CDC14B: variants seen among roughly 807,000 people sequenced by gnomAD.
CDC14B encodes the protein cell division cycle 14B, also known as dual specificity protein phosphatase CDC14B.
In CDC14B, 22 loss-of-function variants were observed where a neutral mutation model predicts 64.2. The observed-to-expected ratio is 0.34, with a 90% CI of 0.24 to 0.49. The LOEUF (loss-of-function observed/expected upper bound fraction) is 0.49, where lower values mean the gene tolerates loss of function less well. Among genes scored for constraint, CDC14B ranks in the 20% least tolerant of loss-of-function variants. CDC14B has a pLI of 0.99. For missense variants in CDC14B, 498 were observed against 629.9 expected (o/e 0.79, Z 2.24); for synonymous variants, 191 against 215.8 (o/e 0.89, Z 1.01).
intron 1 of CDC14B, among the ~76,000 whole-genome samples, chr9:96,607,033 A>T (rs1846992385): frequency 6.6e-6 from 1 of 151,434 alleles, no homozygotes; most frequent in Non-Finnish European, 1.5e-5. Flanking sequence ...TCTCAAAAAA[A>T]TTTAAAAAAA....
chr9:96,541,125 G>A (rs1462944437), intron 6 of CDC14B, among the ~76,000 whole-genome samples: 1 of 152,168 alleles, frequency 6.6e-6, no homozygotes, highest in Non-Finnish European at 1.5e-5. Flanking sequence ...TTGATCCATG[G>A]GCTACTGATT....
intron 6 of CDC14B, among the ~76,000 whole-genome samples, chr9:96,539,390 T>C (rs1217648369): frequency 6.6e-6 from 1 of 152,236 alleles, no homozygotes; most frequent in African/African-American, 2.4e-5. Flanking sequence ...AGATGTGCTT[T>C]TTTATTTTCA....
At chr9:96,495,529 C>T (rs1037961831), downstream of CDC14B, among the ~76,000 whole-genome samples, 15 of 152,172 alleles carry the variant, frequency 9.9e-5, no homozygotes, top group African/African-American at 3.1e-4. Context: ...ACGGGTCTTG[C>T]GTCAGAGCAA....
rs1035911154 is a variant in CDC14B, at chr9:96,538,857, T to C, written c.627+221A>G. The C allele has an allele frequency of 1.7e-5, 8 of 471,556 alleles. 1 individual carries two copies. The South Asian group carries it at 2.0e-4, about 12-fold the overall frequency. 29.2% of individuals were successfully genotyped at this position (471,556 alleles called of 1,614,324 possible). On this transcript the variant is annotated intron_variant, in intron 7 of 13. Transcript: ENST00000375241. Reference sequence around the variant, plus strand: ...ACTGTATGCTTGAAATCTGCTAGAGTACATCTCAGGTATTCTCATCACACA... The same window carrying C: ...ACTGTATGCTTGAAATCTGCTAGAGCACATCTCAGGTATTCTCATCACACA...
chr9:96,569,075 G>A (rs1012031832), intron 1 of CDC14B, among the ~76,000 whole-genome samples: 3 of 152,316 alleles, frequency 2.0e-5, no homozygotes, highest in South Asian at 2.1e-4. Flanking sequence ...CACAAGAAAC[G>A]TATCAATGCC....
At chr9:96,513,146 TATAATA>T (rs1835144636) in intron 12 of CDC14B, among the ~76,000 whole-genome samples, 1 of 152,206 alleles carries the variant, frequency 6.6e-6, no homozygotes, top group East Asian at 1.9e-4. Flanking sequence ...AGTGAACTAA[TATAATA>T]ATAATATTAA....
intron 2 of CDC14B, 85 bp downstream of exon 2, chr9:96,565,308 A>C (rs1340891250): frequency 3.8e-6 from 3 of 790,570 alleles, no homozygotes; most frequent in Non-Finnish European, 6.3e-6. Context: ...TAGATTTATA[A>C]TTTTCCCAGG....
intron 1 of CDC14B, among the ~76,000 whole-genome samples, chr9:96,614,661 G>T (rs1362513197): frequency 6.6e-6 from 1 of 152,050 alleles, no homozygotes; most frequent in Non-Finnish European, 1.5e-5. Flanking sequence ...TAAGGGATGG[G>T]AAAATAGAGA....
In CDC14B at chr9:96,582,930, A is replaced by C. The variant is rs895641488; in HGVS notation, c.161-17447T>G. 5.3e-5 allele frequency among the ~76,000 whole-genome samples: 8 copies of C among 152,284 alleles called. No individual in the cohort carries two copies. The East Asian group carries it at 5.8e-4, about 11-fold the overall frequency. The stretch of plus-strand genomic sequence containing the variant: ...TTACTTTAACTGCAGGGACAAGGAT[A>C]AAACATATATGATTGGTTTAAGCTA... On this transcript the variant is annotated intron_variant, in intron 1 of 13. Coordinates refer to ENST00000375241, the MANE Select transcript of CDC14B (RefSeq NM_033331.4).
chr9:96,554,611 T>C (rs1842261128), intron 4 of CDC14B, among the ~76,000 whole-genome samples: 1 of 152,152 alleles, frequency 6.6e-6, no homozygotes, highest in African/African-American at 2.4e-5. Flanking sequence ...AATTTAAAAA[T>C]CCAGTTGGGG....
chr9:96,619,543 G>A lies in CDC14B; in HGVS notation c.-165C>T, dbSNP rs1020903493. The stretch of plus-strand genomic sequence containing the variant: ...AGCCCGGCGGGAGGCGGTCGCGCAG[G>A]AGCCGGAGGAGGAGCCCGGCCCACA... On this transcript the variant is annotated 5_prime_UTR_variant, in exon 1 of 14. Transcript: ENST00000375241. 5.8e-6 allele frequency: 1 copy of A among 171,720 alleles called. No individual in the cohort carries two copies. The highest frequency in any genetic ancestry group is 2.4e-5 in the African/African-American group (1 of 41,412). The allele number at this position is 171,720 out of a possible 1,614,324, so 10.6% of individuals were successfully genotyped here. A position where few individuals can be genotyped will look rare whatever the true frequency, so the allele number is the denominator to read the frequency against.
chr9:96,512,059 A>G (rs1834973778), intron 12 of CDC14B, among the ~76,000 whole-genome samples: 1 of 151,926 alleles, frequency 6.6e-6, no homozygotes, highest in Admixed American at 6.6e-5. Flanking sequence ...TCTATAAAAT[A>G]ATAATAATAA....
intron 13 of CDC14B, among the ~76,000 whole-genome samples, chr9:96,506,898 T>C (rs1344914261): frequency 1.3e-5 from 2 of 152,230 alleles, no homozygotes; most frequent in Admixed American, 1.3e-4. Flanking sequence ...ACCTGGCAAG[T>C]GCCAGCCAGG....
intron 1 of CDC14B, among the ~76,000 whole-genome samples, chr9:96,599,702 C>T (rs190460914): frequency 1.2e-3 from 177 of 152,124 alleles, no homozygotes; most frequent in African/African-American, 4.0e-3. Context: ...TTCAGGAAAC[C>T]GGGTGAGCTC....
intron 9 of CDC14B, among the ~76,000 whole-genome samples, chr9:96,524,712 C>T (rs1377881138): frequency 6.6e-6 from 1 of 152,186 alleles, no homozygotes; most frequent in Admixed American, 6.5e-5. Context: ...CCTGACTTTC[C>T]TGAGCAAGAG....
At position 96,605,954 on chromosome 9, in the gene CDC14B, C is replaced by CA. The variant is rs529300579; in HGVS notation, c.160+13264dup. 1.3e-3 allele frequency among the ~76,000 whole-genome samples: 200 copies of CA among 151,944 alleles called. 1 individual carries two copies. The highest frequency in any genetic ancestry group is 3.8e-3 in the African/African-American group (159 of 41,364). On this transcript the variant is annotated intron_variant, in intron 1 of 13. Coordinates refer to ENST00000375241, the MANE Select transcript of CDC14B (RefSeq NM_033331.4). ...TTCAATGGGATGTGTAACAGGTACA[C>CA]AAAAAATTGGCTTTTTCTAAAAAAT...
intron 12 of CDC14B, among the ~76,000 whole-genome samples, chr9:96,521,792 G>C (rs1223557261): frequency 6.6e-6 from 1 of 152,212 alleles, no homozygotes; most frequent in Non-Finnish European, 1.5e-5. Context: ...AATGAAAAAG[G>C]AAGTAACTAG....
rs189529006 is a variant in CDC14B, at chr9:96,587,034, G to T, written c.161-21551C>A. 4.5e-3 allele frequency among the ~76,000 whole-genome samples: 680 copies of T among 152,154 alleles called. 2 individuals carry two copies. Among genetic ancestry groups the T allele is most frequent in the Non-Finnish European group, 6.8e-3 (463 of 68,006 alleles). ...CTAAAAATACAAAAATTAACCGGGC[G>T]TGTTGGCGTGTGCCTGTAATTCCAG... On this transcript the variant is annotated intron_variant, in intron 1 of 13. Coordinates refer to ENST00000375241, the MANE Select transcript of CDC14B (RefSeq NM_033331.4).
At chr9:96,592,513 C>T (rs924038076) in intron 1 of CDC14B, among the ~76,000 whole-genome samples, 4 of 152,192 alleles carry the variant, frequency 2.6e-5, no homozygotes, top group African/African-American at 9.7e-5. Context: ...CAGCGGCTCA[C>T]GCCTGTAATC....
Sources: gnomAD v4.1 joint callset for allele counts (sites outside exome capture counted in the v4.1 genomes callset) on GRCh38, gnomAD v4.1.1 for gene constraint, MANE v1.5 for transcripts, NCBI Gene and HGNC (gene_info 2026-07-23, HGNC 2026-07-21) for gene names.